Variants in AGMO observed in about 807,000 individuals in gnomAD.
AGMO encodes alkylglycerol monooxygenase.
In AGMO, 75 loss-of-function variants were observed where a neutral mutation model predicts 60.2. The observed-to-expected ratio is 1.25, with a 90% CI of 1.03 to 1.51. The LOEUF is 1.51. Ranked by LOEUF, AGMO falls within the 40% of genes most tolerant of loss-of-function variation. The pLI is 0.00. For missense variants in AGMO, 763 were observed against 525.5 expected (o/e 1.45, Z -4.42); for synonymous variants, 261 against 177.1 (o/e 1.47, Z -3.76).
chr7:15,345,907 T>C (rs1018284086), intron 12 of AGMO, among the ~76,000 whole-genome samples: 1 of 152,136 alleles, frequency 6.6e-6, no homozygotes, highest in Non-Finnish European at 1.5e-5. Flanking sequence ...ATGTGAGTAA[T>C]GGCTGGATCT....
At chr7:15,332,213 A>G (rs932375818) in intron 12 of AGMO, among the ~76,000 whole-genome samples, 1 of 152,128 alleles carries the variant, frequency 6.6e-6, no homozygotes, top group Admixed American at 6.6e-5. Flanking sequence ...TACAGTAAGT[A>G]TTGTGGTGTT....
chr7:15,489,210 T>C (rs1177936212), intron 3 of AGMO, among the ~76,000 whole-genome samples: 1 of 152,054 alleles, frequency 6.6e-6, no homozygotes, highest in East Asian at 1.9e-4. Context: ...GACAACAAAA[T>C]AACAAAGTTA....
chr7:15,217,227 G>C (rs1781767189), intron 12 of AGMO, among the ~76,000 whole-genome samples: 2 of 152,118 alleles, frequency 1.3e-5, no homozygotes, highest in South Asian at 2.1e-4. Flanking sequence ...CCCAAAGAAA[G>C]AAATGTTAAA....
intron 3 of AGMO, among the ~76,000 whole-genome samples, chr7:15,543,305 C>G (rs1784681872): frequency 6.6e-6 from 1 of 152,188 alleles, no homozygotes; most frequent in South Asian, 2.1e-4. Flanking sequence ...TCCTCAGCCC[C>G]TACTTATCCC....
chr7:15,322,629 T>A lies in AGMO; in HGVS notation c.1263+42885A>T, dbSNP rs1345391608. On this transcript the variant is annotated intron_variant, in intron 12 of 12. Coordinates refer to ENST00000342526, the MANE Select transcript of AGMO (RefSeq NM_001004320.2). ...ATATATATAAATATATAAATATATATAAATATATATAAATATATAAATATA... is the reference window on the plus strand; with the variant it reads ...ATATATATAAATATATAAATATATAAAAATATATATAAATATATAAATATA... 4.7e-5 allele frequency among the ~76,000 whole-genome samples: 3 copies of A among 64,204 alleles called. 1 individual carries two copies. Among genetic ancestry groups the A allele is most frequent in the African/African-American group, 2.6e-4 (3 of 11,764 alleles). 42.1% of individuals were successfully genotyped at this position (64,204 alleles called of 152,430 possible). A position where few individuals can be genotyped will look rare whatever the true frequency, so the allele number is the denominator to read the frequency against.
At chr7:15,173,339 T>C in the AGMO span, among the ~76,000 whole-genome samples, 12 of 152,300 alleles carry the variant, frequency 7.9e-5, no homozygotes, top group African/African-American at 2.9e-4. Flanking sequence ...AATGGCATGG[T>C]ATATCTGATT....
At chr7:15,560,017 T>C (rs960949242) in intron 2 of AGMO, 124 bp downstream of exon 2, 14 of 924,078 alleles carry the variant, frequency 1.5e-5, no homozygotes, top group Admixed American at 2.9e-5. Flanking sequence ...AATAATGACA[T>C]GAACTGAATT....
intron 3 of AGMO, among the ~76,000 whole-genome samples, chr7:15,475,476 G>A (rs1782570078): frequency 6.6e-6 from 1 of 152,064 alleles, no homozygotes; most frequent in Non-Finnish European, 1.5e-5. Context: ...TCACTCACAA[G>A]TGGGAGATGA....
At chr7:15,366,272 A>C in intron 10 of AGMO, 50 bp from the exon 11 acceptor site, 2 of 1,420,810 alleles carry the variant, frequency 1.4e-6, no homozygotes, top group Non-Finnish European at 2.0e-6. Context: ...AATTGTTAAA[A>C]GGTACACGAA....
chr7:15,234,318 C>T (rs79853734), intron 12 of AGMO, among the ~76,000 whole-genome samples: 1 of 152,272 alleles, frequency 6.6e-6, no homozygotes, highest in East Asian at 1.9e-4. Flanking sequence ...ATGTCTATCT[C>T]TCCCAAGGTT....
intron 10 of AGMO, among the ~76,000 whole-genome samples, chr7:15,385,024 A>G (rs1015852179): frequency 2.0e-5 from 3 of 152,082 alleles, no homozygotes; most frequent in African/African-American, 4.8e-5. Context: ...ATGTCAAACT[A>G]AAGGAATTAA....
intron 10 of AGMO, among the ~76,000 whole-genome samples, chr7:15,375,400 T>G (rs952283996): frequency 6.9e-6 from 1 of 145,678 alleles, no homozygotes; most frequent in African/African-American, 2.6e-5. Context: ...TTTTTTTTTT[T>G]TTTTTTTTTT....
intron 2 of AGMO, among the ~76,000 whole-genome samples, chr7:15,552,300 A>C (rs1784988229): frequency 6.6e-6 from 1 of 152,356 alleles, no homozygotes; most frequent in Non-Finnish European, 1.5e-5. Flanking sequence ...CATTGGCAAC[A>C]AAAGCCAAAA....
At chr7:15,430,472 A>T (rs1200656434) in intron 4 of AGMO, among the ~76,000 whole-genome samples, 1 of 151,762 alleles carries the variant, frequency 6.6e-6, no homozygotes, top group African/African-American at 2.4e-5. Flanking sequence ...TATTTCTGGT[A>T]TTCATTAATC....
intron 3 of AGMO, among the ~76,000 whole-genome samples, chr7:15,450,073 A>T (rs1429646689): frequency 6.6e-6 from 1 of 152,164 alleles, no homozygotes; most frequent in Non-Finnish European, 1.5e-5. Flanking sequence ...CCCTTAGTAA[A>T]TTTTTAGTAA....
chr7:15,442,777 C>T (rs1188330624), intron 3 of AGMO, among the ~76,000 whole-genome samples: 1 of 152,048 alleles, frequency 6.6e-6, no homozygotes, highest in East Asian at 2.0e-4. Flanking sequence ...CTGCCACACC[C>T]CCATCCTGTG....
intron 5 of AGMO, among the ~76,000 whole-genome samples, chr7:15,417,479 C>T (rs1780805048): frequency 6.6e-6 from 1 of 152,124 alleles, no homozygotes; most frequent in South Asian, 2.1e-4. Context: ...TCTCCCTTAA[C>T]CCCTCCATGT....
chr7:15,467,006 T>C (rs1458245914), intron 3 of AGMO, among the ~76,000 whole-genome samples: 1 of 152,178 alleles, frequency 6.6e-6, no homozygotes, highest in Non-Finnish European at 1.5e-5. Context: ...CAGTATTTAG[T>C]AGAGTGAACC....
chr7:15,290,501 T>A (rs868595327), intron 12 of AGMO, among the ~76,000 whole-genome samples: 1 of 152,194 alleles, frequency 6.6e-6, no homozygotes, highest in African/African-American at 2.4e-5. Flanking sequence ...AATACACTCA[T>A]TATTATCTTC....
Sources: allele counts gnomAD v4.1 joint callset (sites outside exome capture counted in the v4.1 genomes callset), GRCh38; gene constraint gnomAD v4.1.1; transcripts MANE v1.5; gene names NCBI Gene and HGNC (gene_info 2026-07-23, HGNC 2026-07-21).